PIBF1: variants seen among roughly 807,000 people sequenced by gnomAD.
PIBF1 encodes progesterone immunomodulatory binding factor 1.
PIBF1 carries 90 observed loss-of-function variants against 112.5 expected under a neutral mutation model. That is an observed-to-expected ratio of 0.80 (90% CI 0.67 to 0.95). PIBF1 has a LOEUF of 0.95. Ranked by LOEUF, PIBF1 falls within the 40% of genes least tolerant of loss-of-function variation. The pLI is 0.00. For missense variants in PIBF1, 915 were observed against 852.3 expected, an observed-to-expected ratio of 1.07 and a Z score of -0.92; for synonymous variants, 301 against 288.6, an observed-to-expected ratio of 1.04 and a Z score of -0.44.
At chr13:72,818,114 A>G (rs941189106) in intron 5 of PIBF1, among the ~76,000 whole-genome samples, 1 of 152,042 alleles carries the variant, frequency 6.6e-6, no homozygotes, top group African/African-American at 2.4e-5. Flanking sequence ...TACTCTGTAT[A>G]TTTATTCTTC....
intron 11 of PIBF1, among the ~76,000 whole-genome samples, chr13:72,896,855 A>G (rs1216736943): frequency 6.6e-6 from 1 of 152,210 alleles, no homozygotes; most frequent in African/African-American, 2.4e-5. Flanking sequence ...AGACAATTCT[A>G]AAAGCTTGGA....
Position 72,855,880 on chromosome 13 carries a change from C to T in PIBF1, c.1322+1725C>T, listed in dbSNP as rs535195433. On this transcript the variant is annotated intron_variant, in intron 10 of 17. Coordinates refer to ENST00000326291, the MANE Select transcript of PIBF1 (RefSeq NM_006346.4). ...TAGGGATGTATATTTTTAGGGATGG[C>T]TCTAGAATAAGATTTATGGGCAAAC... is the stretch of plus-strand genomic sequence containing the variant. 6.6e-5 allele frequency among the ~76,000 whole-genome samples: 10 copies of T among 152,112 alleles called. No individual in the cohort carries two copies. The South Asian group carries it at 2.1e-3, about 32-fold the overall frequency.
chr13:72,841,699 G>A (rs2138242481), intron 9 of PIBF1, among the ~76,000 whole-genome samples: 1 of 152,192 alleles, frequency 6.6e-6, no homozygotes, highest in East Asian at 1.9e-4. Context: ...GAGCCTGGGA[G>A]GTCAAGGCTG....
intron 16 of PIBF1, among the ~76,000 whole-genome samples, chr13:72,988,744 A>T (rs1010115664): frequency 6.6e-6 from 1 of 152,138 alleles, no homozygotes; most frequent in African/African-American, 2.4e-5. Flanking sequence ...TTTACAAGTG[A>T]AATTATCTGA....
intron 11 of PIBF1, among the ~76,000 whole-genome samples, chr13:72,895,932 G>T (rs184355730): frequency 3.6e-4 from 55 of 152,258 alleles, no homozygotes; most frequent in African/African-American, 1.2e-3. Flanking sequence ...TGTTGTGTTG[G>T]GGGGAGCCAG....
intron 10 of PIBF1, among the ~76,000 whole-genome samples, chr13:72,880,712 A>G (rs1465647414): frequency 3.9e-5 from 6 of 152,236 alleles, no homozygotes; most frequent in Admixed American, 3.9e-4. Flanking sequence ...ACTTAAAGTC[A>G]CATTACATTG....
At chr13:72,852,485 G>A (rs181668458) in intron 9 of PIBF1, among the ~76,000 whole-genome samples, 19 of 152,302 alleles carry the variant, frequency 1.2e-4, no homozygotes, top group South Asian at 1.0e-3. Context: ...CACTTGGCTT[G>A]CCCTCAGCAG....
intron 5 of PIBF1, among the ~76,000 whole-genome samples, chr13:72,820,870 C>G (rs1053945006): frequency 2.6e-5 from 4 of 152,158 alleles, no homozygotes; most frequent in African/African-American, 9.7e-5. Flanking sequence ...GCTTCCCCTC[C>G]CAGCTTCCCA....
chr13:72,788,155 G>C (rs531212736), intron 2 of PIBF1, among the ~76,000 whole-genome samples: 11 of 152,302 alleles, frequency 7.2e-5, no homozygotes, highest in South Asian at 4.1e-4. Flanking sequence ...GTGTAAGCCT[G>C]TTATTGCTAT....
Position 72,869,363 on chromosome 13 carries a change from A to G in PIBF1, c.1322+15208A>G, listed in dbSNP as rs186699606. The stretch of plus-strand genomic sequence containing the variant: ...TCATCATTCTCAGTAAACTATTGCA[A>G]GGACAAAAAACCAAGCACTGCATGT... On this transcript the variant is annotated intron_variant, in intron 10 of 17. Coordinates refer to ENST00000326291, the MANE Select transcript of PIBF1 (RefSeq NM_006346.4). 4.8e-3 allele frequency among the ~76,000 whole-genome samples: 731 copies of G among 151,236 alleles called. 1 individual carries two copies. The highest frequency in any genetic ancestry group is 7.2e-3 in the Non-Finnish European group (490 of 67,804).
intron 5 of PIBF1, among the ~76,000 whole-genome samples, chr13:72,816,586 G>A (rs772748420): frequency 4.6e-5 from 7 of 151,318 alleles, no homozygotes; most frequent in Non-Finnish European, 7.4e-5. Context: ...ATCTGAGGTC[G>A]GGAGGTTGAG....
chr13:72,967,147 G>A (rs1162193851), intron 15 of PIBF1, among the ~76,000 whole-genome samples: 4 of 151,944 alleles, frequency 2.6e-5, no homozygotes, highest in Non-Finnish European at 5.9e-5. Context: ...TGTTGGTCAG[G>A]CTGGTCTTGA....
At chr13:72,933,991 CT>C (rs1330374614) in intron 14 of PIBF1, among the ~76,000 whole-genome samples, 1 of 152,094 alleles carries the variant, frequency 6.6e-6, no homozygotes, top group Non-Finnish European at 1.5e-5. Flanking sequence ...GAGTTCTGGA[CT>C]TTTGTGTATG....
At chr13:72,882,701 T>A (rs537090897) in intron 10 of PIBF1, among the ~76,000 whole-genome samples, 7 of 152,220 alleles carry the variant, frequency 4.6e-5, no homozygotes, top group Non-Finnish European at 1.0e-4. Flanking sequence ...TCAATATCAC[T>A]GATCATCAGA....
intron 16 of PIBF1, among the ~76,000 whole-genome samples, chr13:72,992,812 A>C (rs1171652752): frequency 6.6e-6 from 1 of 152,034 alleles, no homozygotes; most frequent in African/African-American, 2.4e-5. Context: ...CTCAGAAAAA[A>C]TAAAAAAGGC....
Position 72,939,560 on chromosome 13 carries a change from C to T in PIBF1, c.1833+8293C>T, listed in dbSNP as rs180721400. Among the ~76,000 whole-genome samples, 366 of 152,260 alleles carry T rather than the reference C, an allele frequency of 2.4e-3. 1 individual carries two copies. The highest frequency in any genetic ancestry group is 8.2e-3 in the African/African-American group (341 of 41,578). On this transcript the variant is annotated intron_variant, in intron 14 of 17. Coordinates refer to ENST00000326291, the MANE Select transcript of PIBF1 (RefSeq NM_006346.4). ...TCCATATTGTAGCATGTATCCAGTA[C>T]TTTAACCCTTTTTATGGCCGAATAA...
At chr13:72,789,197 A>C (rs541352942) in intron 2 of PIBF1, among the ~76,000 whole-genome samples, 2 of 151,940 alleles carry the variant, frequency 1.3e-5, no homozygotes, top group Non-Finnish European at 2.9e-5. Flanking sequence ...TTGCCTTTCA[A>C]ATTTTTAGAC....
chr13:72,977,118 A>C (rs1228708128), intron 16 of PIBF1, among the ~76,000 whole-genome samples: 2 of 152,202 alleles, frequency 1.3e-5, no homozygotes, highest in Non-Finnish European at 2.9e-5. Flanking sequence ...AAGAGACCAA[A>C]TGAACTTTTT....
intron 11 of PIBF1, among the ~76,000 whole-genome samples, chr13:72,902,357 A>G (rs1463721614): frequency 6.6e-6 from 1 of 151,816 alleles, no homozygotes; most frequent in African/African-American, 2.4e-5. Flanking sequence ...GTAACCAAAT[A>G]CCACCTGTAC....
Sources: gnomAD v4.1 joint callset for allele counts (sites outside exome capture counted in the v4.1 genomes callset) on GRCh38, gnomAD v4.1.1 for gene constraint, MANE v1.5 for transcripts, NCBI Gene and HGNC (gene_info 2026-07-23, HGNC 2026-07-21) for gene names.